The following SLC48A1 variants were observed in gnomAD, a reference collection of about 807,000 sequenced individuals.
The protein encoded by SLC48A1 is heme transporter HRG1.
In SLC48A1, 6 loss-of-function variants were observed where a neutral mutation model predicts 14.8. The observed-to-expected ratio is 0.41, with a 90% confidence interval of 0.22 to 0.80. The LOEUF (loss-of-function observed/expected upper bound fraction) is 0.80, where lower values mean the gene tolerates loss of function less well. Among genes scored for constraint, SLC48A1 ranks in the 30% least tolerant of loss-of-function variants. The pLI is 0.34. For missense variants in SLC48A1, 165 were observed against 204.8 expected, an observed-to-expected ratio of 0.81 and a Z score of 1.19; for synonymous variants, 89 against 90.0, an observed-to-expected ratio of 0.99 and a Z score of 0.06.
upstream of SLC48A1, among the ~76,000 whole-genome samples, chr12:47,770,037 T>G (rs1942597683): frequency 6.6e-6 from 1 of 152,188 alleles, no homozygotes; most frequent in African/African-American, 2.4e-5. Flanking sequence ...AGAAAGTCAA[T>G]TGGATTGGAC....
upstream of SLC48A1, among the ~76,000 whole-genome samples, chr12:47,766,921 G>A (rs1942527727): frequency 1.3e-5 from 2 of 152,138 alleles, no homozygotes; most frequent in East Asian, 1.9e-4. Flanking sequence ...TGGGTCCAAG[G>A]TAGCCCTTAG....
intron 2 of SLC48A1, among the ~76,000 whole-genome samples, chr12:47,762,351 C>T (rs1201844426): frequency 6.6e-6 from 1 of 152,282 alleles, no homozygotes; most frequent in East Asian, 1.9e-4. Context: ...GAACCTCATA[C>T]TCCCTTCCTG....
At chr12:47,773,160 G>A (rs1274269384), upstream of SLC48A1, 6 of 980,996 alleles carry the variant, frequency 6.1e-6, no homozygotes, top group African/African-American at 8.8e-5. Flanking sequence ...AGGGCGCTGT[G>A]CGGGCGGCGC....
upstream of SLC48A1, among the ~76,000 whole-genome samples, chr12:47,766,691 T>G (rs139187941): frequency 8.0e-3 from 1,221 of 152,214 alleles, 25 homozygotes; most frequent in South Asian, 0.097. Flanking sequence ...CTCTGATGCT[T>G]TCTTAGCTCC....
At chr12:47,772,978 C>G (rs548329425), upstream of SLC48A1, among the ~76,000 whole-genome samples, 14 of 152,204 alleles carry the variant, frequency 9.2e-5, no homozygotes, top group African/African-American at 3.1e-4. Context: ...GCGGTTCGCT[C>G]GTATAAAGGC....
upstream of SLC48A1, among the ~76,000 whole-genome samples, chr12:47,771,428 A>G (rs1942627928): frequency 6.6e-6 from 1 of 152,148 alleles, no homozygotes; most frequent in Non-Finnish European, 1.5e-5. Context: ...TGGGTGGGAT[A>G]ATAATGGCCC....
rs1206605566 is a variant in SLC48A1 at position 47,779,120 on chromosome 12, G to A, written c.229G>A (p.Val77Met). 2.6e-6 allele frequency: 4 copies of A among 1,551,890 alleles called. No homozygotes were observed. Among genetic ancestry groups the A allele is most frequent in the South Asian group, 2.4e-5 (2 of 84,050 alleles). Residue 77 changes from valine (V) to methionine (M), a missense_variant, in exon 2 of 3, where the codon GTG becomes ATG. By Grantham distance (21) the Val-to-Met change is conservative (BLOSUM62 1). Coordinates refer to ENST00000442218, the MANE Select transcript of SLC48A1 (RefSeq NM_017842.3). The part of the protein sequence containing the change: ...WLKGLRGFFF[V>M]GVLFSAVSIA... ...CAAGGGGCTGCGCGGCTTCTTCTTC[G>A]TGGGCGTCCTCTTCTCGGCCGTCTC... is the stretch of plus-strand genomic sequence containing the variant.
chr12:47,768,206 ACCTCAAGTGATCCACCCACCTCAGC>A (rs1942557276), upstream of SLC48A1, among the ~76,000 whole-genome samples: 1 of 152,076 alleles, frequency 6.6e-6, no homozygotes, highest in Admixed American at 6.5e-5. Context: ...CGAACTCCTG[ACCTCAAGTGATCCACCCACCTCAGC>A]CTCCCAAAGT....
At position 47,758,766 on chromosome 12, in the gene SLC48A1, T is replaced by TG. The variant is rs760161146; in HGVS notation, c.-373+111dup. On this transcript the variant is annotated intron_variant, in intron 1 of 4. Transcript: ENST00000547002. ...GGCTCCTCTTGGGTGAGTAGAGGGGTGGGGGCGTGGTGGGGGGACGCCACC... is the reference window on the plus strand; with the variant it reads ...GGCTCCTCTTGGGTGAGTAGAGGGGTGGGGGGCGTGGTGGGGGGACGCCACC... 62 of 864,198 alleles carry TG rather than the reference T, an allele frequency of 7.2e-5. 1 individual carries two copies. In the East Asian group the frequency reaches 1.2e-3, roughly 16 times the overall value. 53.5% of individuals were successfully genotyped at this position (864,198 alleles called of 1,614,324 possible).
chr12:47,773,449 G>A lies in SLC48A1; in HGVS notation c.136+9G>A. On this transcript the variant is annotated intron_variant, in intron 1 of 2. Coordinates refer to ENST00000442218, the MANE Select transcript of SLC48A1 (RefSeq NM_017842.3). The stretch of plus-strand genomic sequence containing the variant: ...CATGGGAGGGCTCGCAGGTACCCCG[G>A]GACGCTGGGCGGCGCGGGGCGGGTG... The A allele has an allele frequency of 7.3e-7, 1 of 1,364,214 alleles. No individual in the cohort carries two copies. The highest frequency in any genetic ancestry group is 9.5e-7 in the Non-Finnish European group (1 of 1,050,318). 84.5% of individuals were successfully genotyped at this position (1,364,214 alleles called of 1,614,324 possible).
At chr12:47,766,029 T>A (rs1400269922) in intron 2 of SLC48A1, among the ~76,000 whole-genome samples, 1 of 152,206 alleles carries the variant, frequency 6.6e-6, no homozygotes, top group African/African-American at 2.4e-5. Flanking sequence ...ACCCTTCCTC[T>A]TCCAAGAAGT....
intron 2 of SLC48A1, 98 bp from the exon 3 acceptor site, chr12:47,780,047 G>T: frequency 7.2e-7 from 1 of 1,396,854 alleles, no homozygotes; most frequent in South Asian, 1.5e-5. Context: ...GGACGTTGCA[G>T]GGATGTTGAG....
intron 2 of SLC48A1, among the ~76,000 whole-genome samples, chr12:47,762,861 C>T (rs1942417469): frequency 6.6e-6 from 1 of 152,212 alleles, no homozygotes; most frequent in African/African-American, 2.4e-5. Context: ...TTCAAGGAAT[C>T]TTGAATTCAT....
intron 1 of SLC48A1, among the ~76,000 whole-genome samples, chr12:47,774,386 T>TA (rs1942695660): frequency 6.6e-6 from 1 of 152,216 alleles, no homozygotes; most frequent in African/African-American, 2.4e-5. Context: ...AAGTAGGCCT[T>TA]ACGATTATGT....
In SLC48A1 at chr12:47,781,144, C is replaced by T. The variant is rs2136875040; in HGVS notation, c.*863C>T. The T allele has an allele frequency of 6.2e-6, 2 of 321,428 alleles. No individual in the cohort carries two copies. Among genetic ancestry groups the T allele is most frequent in the South Asian group, 4.7e-5 (2 of 42,560 alleles). The allele number at this position is 321,428 out of a possible 1,614,324, so 19.9% of individuals were successfully genotyped here. A position where few individuals can be genotyped will look rare whatever the true frequency, so the allele number is the denominator to read the frequency against. On this transcript the variant is annotated 3_prime_UTR_variant, in exon 3 of 3. Coordinates refer to ENST00000442218, the MANE Select transcript of SLC48A1 (RefSeq NM_017842.3). ...CCATGAGTGTGCTAGAGCCAGATAG[C>T]CGTGGCCCCCCACCCATCTCACTCA...
upstream of SLC48A1, among the ~76,000 whole-genome samples, chr12:47,756,966 TAAAAAAAAAAAAAAGAAAG>T (rs1336323570): frequency 7.3e-6 from 1 of 136,704 alleles, no homozygotes; most frequent in Non-Finnish European, 1.6e-5. Flanking sequence ...AGACTCTGGT[TAAAAAAAAAAAAAAGAAAG>T]AAAAGAAAAA....
chr12:47,779,709 A>G (rs927645638), intron 2 of SLC48A1, among the ~76,000 whole-genome samples: 4 of 152,144 alleles, frequency 2.6e-5, no homozygotes, highest in Admixed American at 2.6e-4. Context: ...CAGGCTGTGG[A>G]ACAGTAGTGG....
Position 47,780,275 on chromosome 12 carries a change from T to C in SLC48A1, c.435T>C (p.Asp145=). 1 of 1,614,232 alleles carries C rather than the reference T, an allele frequency of 6.2e-7. No individual in the cohort carries two copies. The highest frequency in any genetic ancestry group is 1.1e-5 in the South Asian group (1 of 91,088). The change falls in exon 3 of 3, where the codon GAT becomes GAC. Residue 145 remains aspartate (D), a synonymous_variant. Coordinates refer to ENST00000442218, the MANE Select transcript of SLC48A1 (RefSeq NM_017842.3). ...TTGCTGACATCAGCATCCTCAGCGATTTCTGACCCAGGGGGTGAGGTCTCT... is the reference window on the plus strand; with the variant it reads ...TTGCTGACATCAGCATCCTCAGCGACTTCTGACCCAGGGGGTGAGGTCTCT... ...ADFADISILS[D]F
At chr12:47,756,508 A>G (rs1203530417), upstream of SLC48A1, 2 of 152,214 alleles carry the variant, frequency 1.3e-5, no homozygotes, top group Non-Finnish European at 2.9e-5. Flanking sequence ...CAGCTCTACC[A>G]GGACTGACAT....
Sources: gnomAD v4.1 joint callset for allele counts (sites outside exome capture counted in the v4.1 genomes callset) on GRCh38, gnomAD v4.1.1 for gene constraint, MANE v1.5 for transcripts, NCBI Gene and HGNC (gene_info 2026-07-23, HGNC 2026-07-21) for gene names.